IL3RA: variants seen among roughly 807,000 people sequenced by gnomAD.
The protein encoded by IL3RA is interleukin-3 receptor subunit alpha.
Under a neutral mutation model 52.3 loss-of-function variants are expected in IL3RA, and 73 were observed. That is an observed-to-expected ratio of 1.40 (90% CI 1.16 to 1.70). The LOEUF (loss-of-function observed/expected upper bound fraction) is 1.70, where lower values mean the gene tolerates loss of function less well. IL3RA is among the 40% of genes most tolerant of loss of function. The pLI, the probability that IL3RA is intolerant of heterozygous loss-of-function variation, is 0.00. For synonymous variants in IL3RA, 260 were observed against 194.0 expected, an observed-to-expected ratio of 1.34 and a Z score of -2.83; for missense variants, 664 against 504.4, an observed-to-expected ratio of 1.32 and a Z score of -3.03.
At chrX:1,348,791 C>G (rs1176273920) in intron 4 of IL3RA, among the ~76,000 whole-genome samples, 1 of 137,464 alleles carries the variant, frequency 7.3e-6, no homozygotes, top group African/African-American at 2.6e-5. Context: ...TCCCTCCCTT[C>G]TTTCTTTTCT....
At chrX:1,341,381 GCACACA>G (rs66978143) in intron 1 of IL3RA, among the ~76,000 whole-genome samples, 17 of 152,036 alleles carry the variant, frequency 1.1e-4, no homozygotes, top group East Asian at 3.9e-4. Flanking sequence ...ACACGTGCAA[GCACACA>G]CACACACAGA....
rs1352662494 is a variant in IL3RA at position 1,356,250 on chromosome X, A to G, written c.646A>G (p.Lys216Glu). Reference sequence around the variant, plus strand: ...ATTAACTCCACCCAACATGACTGCAAAGTGTAATAAGACACATTCCTTTAT... The same window carrying G: ...ATTAACTCCACCCAACATGACTGCAGAGTGTAATAAGACACATTCCTTTAT... ...EILTPPNMTA[K>E]CNKTHSFMHW... Residue 216 changes from lysine to glutamate, a missense_variant, in exon 7 of 12, where the codon AAG becomes GAG. Physicochemically the swap from Lys to Glu is moderately conservative, Grantham distance 56. Coordinates refer to ENST00000331035, the MANE Select transcript of IL3RA (RefSeq NM_002183.4). 22 of 1,613,140 alleles carry G rather than the reference A, an allele frequency of 1.4e-5. No individual in the cohort carries two copies. The highest frequency in any genetic ancestry group is 1.9e-5 in the Non-Finnish European group (22 of 1,179,364).
In IL3RA at chrX:1,378,778, G is replaced by C. The variant is rs368440418; in HGVS notation, c.980+14G>C. On this transcript the variant is annotated intron_variant, in intron 10 of 11. Coordinates refer to ENST00000331035, the MANE Select transcript of IL3RA (RefSeq NM_002183.4). ...GATCTGCAGAAGGTGAGCCCTCGAGGGCGTCCGCGAGCGTCGCTTGTTTCC... is the reference window on the plus strand; with the variant it reads ...GATCTGCAGAAGGTGAGCCCTCGAGCGCGTCCGCGAGCGTCGCTTGTTTCC... 2 of 1,608,684 alleles carry C rather than the reference G, an allele frequency of 1.2e-6. No homozygotes were observed. Among genetic ancestry groups the C allele is most frequent in the South Asian group, 2.2e-5 (2 of 90,932 alleles).
chrX:1,373,478 AAT>A, intron 9 of IL3RA, among the ~76,000 whole-genome samples: 1 of 27,620 alleles, frequency 3.6e-5, no homozygotes, highest in East Asian at 7.5e-4. Flanking sequence ...TGGGAGAATC[AAT>A]GTGTTTTGTT....
At position 1,346,861 on chromosome X, in the gene IL3RA, A is replaced by G. The variant is rs187315517; in HGVS notation, c.183+1427A>G. On this transcript the variant is annotated intron_variant, in intron 3 of 11. Coordinates refer to ENST00000331035, the MANE Select transcript of IL3RA (RefSeq NM_002183.4). ...CCAAGAGCTATGTTCGTTCAATACA[A>G]TTCAAATCACGGCCCTTCATGCGTC... 7.4e-3 allele frequency among the ~76,000 whole-genome samples: 1,122 copies of G among 151,236 alleles called. 68 individuals carry two copies. Among genetic ancestry groups the G allele is most frequent in the African/African-American group, 0.027 (1,079 of 40,678 alleles).
At chrX:1,380,357 G>A (rs1347469818) in intron 10 of IL3RA, among the ~76,000 whole-genome samples, 1 of 126,068 alleles carries the variant, frequency 7.9e-6, no homozygotes, top group Non-Finnish European at 1.6e-5. Flanking sequence ...CTGGGCATCA[G>A]AGCTTCACAA....
At chrX:1,367,026 G>C (rs866999604) in intron 9 of IL3RA, among the ~76,000 whole-genome samples, 1 of 16,944 alleles carries the variant, frequency 5.9e-5, no homozygotes, top group African/African-American at 7.7e-4. Context: ...CGGGGTGCGC[G>C]GGGTGCGCGG....
At chrX:1,361,633 G>C (rs184952110) in intron 8 of IL3RA, among the ~76,000 whole-genome samples, 1 of 151,658 alleles carries the variant, frequency 6.6e-6, no homozygotes, top group Non-Finnish European at 1.5e-5. Flanking sequence ...GGCGCCTGTG[G>C]TCCCAGCTAC....
At chrX:1,358,727 A>C in intron 7 of IL3RA, 134 bp from the exon 8 acceptor site, 1 of 747,862 alleles carries the variant, frequency 1.3e-6, no homozygotes, top group Non-Finnish European at 2.3e-6. Flanking sequence ...TTTTGCCCCC[A>C]CTGCTGCCCG....
intron 2 of IL3RA, among the ~76,000 whole-genome samples, 193 bp from the exon 3 acceptor site, chrX:1,345,123 G>A (rs1325349463): frequency 7.3e-5 from 11 of 150,956 alleles, no homozygotes; most frequent in Admixed American, 2.0e-4. Flanking sequence ...AGCTGAGATC[G>A]TGCCACTGTA....
intron 10 of IL3RA, among the ~76,000 whole-genome samples, chrX:1,380,679 GGAGGGAGGAAAA>G (rs2089135717): frequency 8.5e-6 from 1 of 117,920 alleles, no homozygotes; most frequent in Admixed American, 8.4e-5. Context: ...AAGGGGTGGA[GGAGGGAGGAAAA>G]GGGGGAGGAA....
chrX:1,337,073 C>T (rs2148853529), intron 1 of IL3RA, 147 bp downstream of exon 1: 1 of 152,310 alleles, frequency 6.6e-6, no homozygotes, highest in South Asian at 2.1e-4. Flanking sequence ...GTGTGGGCAC[C>T]ACACCACACA....
At chrX:1,348,675 T>G in intron 4 of IL3RA, 130 bp downstream of exon 4, 9 of 398,786 alleles carry the variant, frequency 2.3e-5, no homozygotes, top group South Asian at 2.2e-4. Flanking sequence ...TCTTTCTTTC[T>G]TTCTTTCTTT....
intron 2 of IL3RA, 44 bp downstream of exon 2, chrX:1,341,873 G>C (rs1170693146): frequency 1.3e-6 from 2 of 1,594,480 alleles, no homozygotes. Flanking sequence ...GGGGAGCGGT[G>C]GGGGTAGACA....
At chrX:1,349,339 G>A (rs770886592) in intron 4 of IL3RA, among the ~76,000 whole-genome samples, 15 of 151,860 alleles carry the variant, frequency 9.9e-5, no homozygotes, top group East Asian at 5.9e-4. Context: ...CCACCGCCAC[G>A]CCCAGCTAAT....
intron 3 of IL3RA, among the ~76,000 whole-genome samples, chrX:1,345,931 C>A (rs1294568062): frequency 6.6e-6 from 1 of 152,144 alleles, no homozygotes; most frequent in South Asian, 2.1e-4. Context: ...TTTGGAGGGT[C>A]TGGTTCCCCG....
chrX:1,377,409 G>C (rs1201808215), intron 9 of IL3RA, among the ~76,000 whole-genome samples: 3 of 151,820 alleles, frequency 2.0e-5, no homozygotes, highest in Non-Finnish European at 1.5e-5. Flanking sequence ...CCCGGCTACT[G>C]TTTGTATTTT....
At chrX:1,347,901 G>T (rs1171864282) in intron 3 of IL3RA, among the ~76,000 whole-genome samples, 1 of 151,446 alleles carries the variant, frequency 6.6e-6, no homozygotes, top group East Asian at 1.9e-4. Flanking sequence ...GCCGGGCGTG[G>T]TGGCGGGCGC....
In IL3RA at chrX:1,358,890, G is replaced by C. The variant is rs372977832; in HGVS notation, c.759+3G>C. The C allele has an allele frequency of 3.1e-6, 5 of 1,612,022 alleles. No homozygotes were observed. The African/African-American group carries it at 6.7e-5, about 22-fold the overall frequency. On this transcript the variant is annotated splice_donor_region_variant and intron_variant, in intron 8 of 11. Coordinates refer to ENST00000331035, the MANE Select transcript of IL3RA (RefSeq NM_002183.4). Reference sequence around the variant, plus strand: ...TGCAGCCTGTAATCACAGAACAGGTGAGTGTTCCCTACCCCCAGCCGCTGT... The same window carrying C: ...TGCAGCCTGTAATCACAGAACAGGTCAGTGTTCCCTACCCCCAGCCGCTGT...
Sources: allele counts gnomAD v4.1 joint callset (sites outside exome capture counted in the v4.1 genomes callset), GRCh38; gene constraint gnomAD v4.1.1; transcripts MANE v1.5; gene names NCBI Gene and HGNC (gene_info 2026-07-23, HGNC 2026-07-21).